UBR3: variants seen among roughly 807,000 people sequenced by gnomAD.
UBR3 encodes the protein E3 ubiquitin-protein ligase UBR3.
A neutral mutation model predicts 243.2 loss-of-function variants in UBR3; 85 were observed. That is an observed-to-expected ratio of 0.35 (90% confidence interval 0.29 to 0.42). The LOEUF (loss-of-function observed/expected upper bound fraction) is 0.42. Ranked by LOEUF, UBR3 falls within the 10% of genes least tolerant of loss-of-function variation. The pLI is 1.00. For missense variants in UBR3, 1,686 were observed against 2,300.8 expected (o/e 0.73, Z 5.47); for synonymous variants, 748 against 799.8 (o/e 0.94, Z 1.09).
At chr2:170,055,669 C>A in intron 33 of UBR3, 85 bp downstream of exon 33, 1 of 1,493,908 alleles carries the variant, frequency 6.7e-7, no homozygotes, top group Non-Finnish European at 9.0e-7. Context: ...GTAGGTGTTA[C>A]AAAATGAGTT....
intron 32 of UBR3, among the ~76,000 whole-genome samples, chr2:170,044,533 C>T (rs1350009503): frequency 3.3e-5 from 5 of 152,052 alleles, no homozygotes; most frequent in African/African-American, 9.7e-5. Flanking sequence ...AGAATAAACT[C>T]GGAAGTAACT....
At chr2:169,846,600 C>G (rs1018058385) in intron 1 of UBR3, among the ~76,000 whole-genome samples, 4 of 151,124 alleles carry the variant, frequency 2.6e-5, no homozygotes, top group African/African-American at 9.7e-5. Context: ...ATCCCAGCTA[C>G]TTGGGAGGCT....
rs536465532 is a variant in UBR3 at position 169,924,989 on chromosome 2, G to A, written c.2023-630G>A. On this transcript the variant is annotated intron_variant, in intron 13 of 38. Coordinates refer to ENST00000272793, the MANE Select transcript of UBR3 (RefSeq NM_172070.4). ...ACAGAGGTTGCAGTGGGCCAAGATC[G>A]CGCCACTGCACTCCAGTCTGGCGAC... 5.2e-4 allele frequency among the ~76,000 whole-genome samples: 79 copies of A among 152,180 alleles called. 1 individual carries two copies. The South Asian group carries it at 0.015, about 29-fold the overall frequency.
chr2:169,876,050 A>T, intron 3 of UBR3, 101 bp downstream of exon 3: 1 of 989,552 alleles, frequency 1.0e-6, no homozygotes, highest in Non-Finnish European at 1.4e-6. Flanking sequence ...GAATTTTCAT[A>T]GAATGCTAAA....
chr2:169,881,488 T>C (rs1006265872), intron 5 of UBR3, among the ~76,000 whole-genome samples: 4 of 151,714 alleles, frequency 2.6e-5, no homozygotes, highest in Non-Finnish European at 5.9e-5. Flanking sequence ...CCCAGAAAGC[T>C]AAACTTTTTA....
chr2:169,950,959 G>A (rs2087001507), intron 23 of UBR3, among the ~76,000 whole-genome samples: 3 of 151,736 alleles, frequency 2.0e-5, no homozygotes, highest in Admixed American at 2.0e-4. Context: ...TTAAAAAAAA[G>A]ATTTCAGATC....
chr2:169,903,576 T>A (rs2084907937), intron 8 of UBR3, among the ~76,000 whole-genome samples: 1 of 152,218 alleles, frequency 6.6e-6, no homozygotes. Flanking sequence ...TTAGATATTG[T>A]TAAACTTATT....
intron 8 of UBR3, among the ~76,000 whole-genome samples, chr2:169,897,282 C>A (rs150812799): frequency 1.3e-5 from 2 of 151,934 alleles, no homozygotes; most frequent in African/African-American, 4.8e-5. Context: ...TGGGATAAAT[C>A]TTGCCTTTAC....
At chr2:169,916,256 T>C (rs1325903758) in intron 11 of UBR3, among the ~76,000 whole-genome samples, 8 of 152,190 alleles carry the variant, frequency 5.3e-5, no homozygotes, top group African/African-American at 1.9e-4. Flanking sequence ...GTAGGAGTTA[T>C]TCTAGTTTTC....
At chr2:170,060,995 T>G in intron 33 of UBR3, 84 bp from the exon 34 acceptor site, 1 of 926,892 alleles carries the variant, frequency 1.1e-6, no homozygotes, top group Non-Finnish European at 1.6e-6. Context: ...ATCACAGTTT[T>G]ACTCTACTCA....
intron 18 of UBR3, among the ~76,000 whole-genome samples, chr2:169,929,670 T>C (rs1251033955): frequency 1.3e-5 from 2 of 152,190 alleles, no homozygotes; most frequent in Non-Finnish European, 1.5e-5. Flanking sequence ...AGTGGATGAT[T>C]GGTTTTGGAA....
chr2:169,930,320 G>C (rs2086072584), intron 18 of UBR3, among the ~76,000 whole-genome samples: 1 of 152,046 alleles, frequency 6.6e-6, no homozygotes, highest in Non-Finnish European at 1.5e-5. Flanking sequence ...AGGAAATTGA[G>C]TGTCATATTT....
chr2:169,944,683 C>CTT (rs60784053), intron 20 of UBR3, among the ~76,000 whole-genome samples: 10 of 144,576 alleles, frequency 6.9e-5, no homozygotes, highest in South Asian at 2.2e-4. Context: ...ATTTTTATTT[C>CTT]TTTTTTTTTT....
At chr2:169,926,000 CAGGAAAGGCA>C (rs146972880) in intron 14 of UBR3, among the ~76,000 whole-genome samples, 17,254 of 152,040 alleles carry the variant, frequency 0.11, 1,194 homozygotes, top group Admixed American at 0.19. Context: ...GGGGTTTCTG[CAGGAAAGGCA>C]AGGAAAGGCA....
intron 6 of UBR3, among the ~76,000 whole-genome samples, chr2:169,891,449 A>G (rs1163862210): frequency 1.3e-5 from 2 of 152,120 alleles, no homozygotes; most frequent in African/African-American, 4.8e-5. Flanking sequence ...GCATTATCAT[A>G]TTTGAGTCCC....
intron 26 of UBR3, among the ~76,000 whole-genome samples, chr2:169,997,146 T>TTTTTTGTCG (rs553676130): frequency 0.059 from 8,932 of 152,284 alleles, 317 homozygotes; most frequent in Non-Finnish European, 0.086. Context: ...AGACTTTATT[T>TTTTTTGTCG]TTTTGTCATA....
chr2:170,015,386 A>T lies in UBR3; in HGVS notation c.4453+20A>T. 1.3e-6 allele frequency: 2 copies of T among 1,564,278 alleles called. No individual in the cohort carries two copies. Among genetic ancestry groups the T allele is most frequent in the Non-Finnish European group, 1.7e-6 (2 of 1,153,314 alleles). ...GTTTAAGTAAGTACTAAATACTGCT[A>T]AATTTAAAAAAAATTCTGTCATTTT... On this transcript the variant is annotated intron_variant, in intron 30 of 38. Coordinates refer to ENST00000272793, the MANE Select transcript of UBR3 (RefSeq NM_172070.4).
In UBR3 at chr2:169,827,748, G is replaced by A; in HGVS notation, c.241G>A (p.Gly81Ser). Reference sequence around the variant, plus strand: ...GGACGCGGCGGCGGCCGGAGGCGGGGGCGGTCCGGGGGCGGCCGAGGAGGA... The same window carrying A: ...GGACGCGGCGGCGGCCGGAGGCGGGAGCGGTCCGGGGGCGGCCGAGGAGGA... Reference protein sequence around the residue: ...GEDAAAAGGGGGPGAAEEEAL... With the variant: ...GEDAAAAGGGSGPGAAEEEAL... The change falls in exon 1 of 39, where the codon GGC (glycine) becomes AGC (serine). Residue 81 changes from glycine to serine, a missense_variant. Physicochemically the swap from Gly to Ser is moderately conservative, Grantham distance 56 (BLOSUM62 0). Around this residue, in one of 8 missense-constraint regions of UBR3, gnomAD observed 145 missense variants for 243.8 expected, o/e 0.59. Coordinates refer to ENST00000272793, the MANE Select transcript of UBR3 (RefSeq NM_172070.4). The A allele has an allele frequency of 8.0e-7, 1 of 1,247,104 alleles. No homozygotes were observed. The allele number at this position is 1,247,104 out of a possible 1,614,324, so 77.3% of individuals were successfully genotyped here. A position where few individuals can be genotyped will look rare whatever the true frequency, so the allele number is the denominator to read the frequency against.
intron 22 of UBR3, among the ~76,000 whole-genome samples, chr2:169,948,444 T>C (rs2086872837): frequency 6.6e-6 from 1 of 152,204 alleles, no homozygotes; most frequent in African/African-American, 2.4e-5. Context: ...TCTCATTGCA[T>C]GTAAGTTAAC....
Sources: allele counts gnomAD v4.1 joint callset (sites outside exome capture counted in the v4.1 genomes callset), GRCh38; gene constraint gnomAD v4.1.1; regional missense constraint gnomAD v4.1.1; transcripts MANE v1.5; gene names NCBI Gene and HGNC (gene_info 2026-07-23, HGNC 2026-07-21).